ZFHX3: variants seen among roughly 807,000 people sequenced by gnomAD.
ZFHX3 encodes the protein zinc finger homeobox protein 3.
ZFHX3 carries 42 observed loss-of-function variants against 279.1 expected under a neutral mutation model. The ratio of observed to expected loss-of-function variants is 0.15; its 90% confidence interval spans 0.12 to 0.19. The LOEUF (loss-of-function observed/expected upper bound fraction) is 0.19, where lower values mean the gene tolerates loss of function less well. Ranked by LOEUF, ZFHX3 falls within the 10% of genes least tolerant of loss-of-function variation. The pLI, the probability that ZFHX3 is intolerant of heterozygous loss-of-function variation, is 1.00. For missense variants in ZFHX3, 4,981 were observed against 4,754.0 expected (o/e 1.05, Z -1.40); for synonymous variants, 2,293 against 1,957.8 (o/e 1.17, Z -4.52).
At chr16:73,091,213 A>G (rs1386784645) in intron 8 of ZFHX3, among the ~76,000 whole-genome samples, 6 of 134,158 alleles carry the variant, frequency 4.5e-5, no homozygotes, top group Non-Finnish European at 9.2e-5. Flanking sequence ...TCCGTCTCGG[A>G]AAAAAAAAAA....
rs767473503 is a variant in ZFHX3 at position 72,795,257 on chromosome 16, C to T, written c.7425G>A (p.Val2475=). The T allele has an allele frequency of 1.2e-6, 2 of 1,612,102 alleles. No individual in the cohort carries two copies. Among genetic ancestry groups the T allele is most frequent in the East Asian group, 2.2e-5 (1 of 44,818 alleles). Residue 2475 remains valine (V), a synonymous_variant, in exon 9 of 10, where the codon GTG becomes GTA. Transcript: ENST00000268489. ...GAGGCTGTGGCAACGAAGGCAGGGA[C>T]ACCAGCTGGGGGAGCTTCTGCTGGG... ...NTPQQKLPQL[V]SLPSLPQPPP...
intron 7 of ZFHX3, among the ~76,000 whole-genome samples, chr16:73,118,654 A>G (rs1419131092): frequency 6.6e-6 from 1 of 152,200 alleles, no homozygotes; most frequent in Non-Finnish European, 1.5e-5. Context: ...ACTAGGAGTT[A>G]CCTGTGAATT....
chr16:73,010,898 G>A (rs1963890416), intron 1 of ZFHX3, among the ~76,000 whole-genome samples: 1 of 152,126 alleles, frequency 6.6e-6, no homozygotes, highest in Non-Finnish European at 1.5e-5. Context: ...TCGAACTCCT[G>A]GGCTCAAGTG....
intron 2 of ZFHX3, among the ~76,000 whole-genome samples, chr16:73,534,878 T>G (rs533444128): frequency 6.6e-6 from 1 of 152,122 alleles, no homozygotes; most frequent in Non-Finnish European, 1.5e-5. Context: ...GTATAATCCA[T>G]CTCACAGTGA....
At chr16:73,563,165 TTTTGTTGTGTG>T in intron 2 of ZFHX3, among the ~76,000 whole-genome samples, 1 of 145,252 alleles carries the variant, frequency 6.9e-6, no homozygotes, top group African/African-American at 2.6e-5. Context: ...GTTTTTTTTG[TTTTGTTGTGTG>T]TGTGTGTGTG....
chr16:73,503,525 A>G (rs1314167333), intron 2 of ZFHX3, among the ~76,000 whole-genome samples: 1 of 152,140 alleles, frequency 6.6e-6, no homozygotes, highest in Non-Finnish European at 1.5e-5. Context: ...GAGGAGATTG[A>G]CAGCTGCACA....
intron 3 of ZFHX3, among the ~76,000 whole-genome samples, chr16:73,449,016 C>T (rs1222272866): frequency 6.6e-6 from 1 of 152,138 alleles, no homozygotes; most frequent in African/African-American, 2.4e-5. Context: ...AATGTCTAGT[C>T]AGGTTCATGT....
At position 73,755,461 on chromosome 16, in the gene ZFHX3, A is replaced by T. The variant is rs547667853; in HGVS notation, c.-1607-75221T>A. On this transcript the variant is annotated intron_variant, in intron 1 of 17. Coordinates refer to the ZFHX3 transcript ENST00000641206. ...TGGGGCCTGGACTGTTTTTCAAGACAGTGCATAGTGTGTGAGTCATTCTCC... is the reference window on the plus strand; with the variant it reads ...TGGGGCCTGGACTGTTTTTCAAGACTGTGCATAGTGTGTGAGTCATTCTCC... 3.0e-4 allele frequency among the ~76,000 whole-genome samples: 45 copies of T among 152,354 alleles called. 1 individual carries two copies. In the East Asian group the frequency reaches 7.9e-3, roughly 27 times the overall value.
intron 3 of ZFHX3, among the ~76,000 whole-genome samples, chr16:73,353,861 A>G (rs1355047811): frequency 6.6e-6 from 1 of 152,226 alleles, no homozygotes; most frequent in Non-Finnish European, 1.5e-5. Context: ...TTTATCAAAT[A>G]AATAGTGTTC....
At chr16:72,828,760 T>C (rs977462534) in intron 5 of ZFHX3, among the ~76,000 whole-genome samples, 7 of 152,196 alleles carry the variant, frequency 4.6e-5, no homozygotes, top group Non-Finnish European at 7.3e-5. Context: ...TGGAGTGTTA[T>C]GGCATGATCT....
chr16:73,601,804 G>A (rs536979055), intron 2 of ZFHX3, among the ~76,000 whole-genome samples: 2 of 152,150 alleles, frequency 1.3e-5, no homozygotes, highest in Non-Finnish European at 2.9e-5. Context: ...CGGAAAGCAC[G>A]TTACTGAAAT....
At chr16:72,967,926 TAA>T (rs34395944) in intron 1 of ZFHX3, among the ~76,000 whole-genome samples, 8 of 131,708 alleles carry the variant, frequency 6.1e-5, no homozygotes, top group Admixed American at 7.5e-5. Context: ...AGACCCCATC[TAA>T]AAAAAAAAAA....
chr16:73,122,002 T>C (rs1966505249), intron 7 of ZFHX3, among the ~76,000 whole-genome samples: 1 of 152,158 alleles, frequency 6.6e-6, no homozygotes, highest in Admixed American at 6.6e-5. Context: ...ATTCTCTTCA[T>C]GAATATTATT....
chr16:73,208,429 G>T (rs932648750), intron 5 of ZFHX3, among the ~76,000 whole-genome samples: 1 of 152,162 alleles, frequency 6.6e-6, no homozygotes, highest in Non-Finnish European at 1.5e-5. Context: ...GATTATACCA[G>T]ATGGTGACAG....
intron 3 of ZFHX3, among the ~76,000 whole-genome samples, chr16:73,425,407 C>T (rs1184861845): frequency 6.6e-6 from 1 of 152,150 alleles, no homozygotes; most frequent in African/African-American, 2.4e-5. Context: ...AAGCATAATA[C>T]CCCAAGTTTT....
intron 1 of ZFHX3, among the ~76,000 whole-genome samples, chr16:73,727,163 C>G (rs1228281333): frequency 6.6e-6 from 1 of 152,166 alleles, no homozygotes; most frequent in Non-Finnish European, 1.5e-5. Flanking sequence ...GATGCAGTGG[C>G]CAGACCAACA....
At chr16:73,155,860 A>G (rs1967067571) in intron 5 of ZFHX3, among the ~76,000 whole-genome samples, 2 of 151,798 alleles carry the variant, frequency 1.3e-5, no homozygotes, top group Admixed American at 6.6e-5. Flanking sequence ...GTATATATGT[A>G]TATATATATG....
Position 72,797,477 on chromosome 16 carries a change from TTGTTGTTGTTGC to T in ZFHX3, c.5193_5204del (p.Gln1738_Gln1741del), listed in dbSNP as rs773482583. ...TTTGTGCTTGTTGTTGTTGTTGTTG[TTGTTGTTGTTGC>T]TGTTGCTGCTGCTGTTGTTGCTGCT... On this transcript the variant is annotated inframe_deletion, in exon 9 of 10. Coordinates refer to ENST00000268489, the MANE Select transcript of ZFHX3 (RefSeq NM_006885.4). The T allele has an allele frequency of 3.7e-6, 6 of 1,612,532 alleles. No individual in the cohort carries two copies. Among genetic ancestry groups the T allele is most frequent in the Admixed American group, 3.3e-5 (2 of 59,902 alleles).
intron 1 of ZFHX3, among the ~76,000 whole-genome samples, chr16:73,734,329 T>A (rs951039203): frequency 1.3e-5 from 2 of 152,216 alleles, no homozygotes; most frequent in African/African-American, 2.4e-5. Flanking sequence ...AAAAATTATA[T>A]AAATCCATAT....
Sources: allele counts gnomAD v4.1 joint callset (sites outside exome capture counted in the v4.1 genomes callset), GRCh38; gene constraint gnomAD v4.1.1; transcripts MANE v1.5; gene names NCBI Gene and HGNC (gene_info 2026-07-23, HGNC 2026-07-21).